Variants in ZNF605 observed in about 807,000 individuals in gnomAD.
ZNF605 encodes the protein zinc finger protein 605.
In ZNF605, 9 loss-of-function variants were observed where a neutral mutation model predicts 7.9. That is an observed-to-expected ratio of 1.14 (90% confidence interval 0.68 to 1.98). ZNF605 has a LOEUF of 1.98. Among genes scored for constraint, ZNF605 ranks in the 30% most tolerant of loss-of-function variants. The pLI is 0.00. For synonymous variants in ZNF605, 255 were observed against 260.1 expected, an observed-to-expected ratio of 0.98 and a Z score of 0.19; for missense variants, 673 against 762.4, an observed-to-expected ratio of 0.88 and a Z score of 1.38.
At chr12:132,940,010 G>T (rs1228958923) in intron 3 of ZNF605, among the ~76,000 whole-genome samples, 3 of 151,786 alleles carry the variant, frequency 2.0e-5, no homozygotes, top group African/African-American at 7.3e-5. Context: ...CATCAGAAGG[G>T]ACAGACTCCA....
chr12:132,952,222 T>C (rs1010915438), intron 1 of ZNF605, among the ~76,000 whole-genome samples: 9 of 152,032 alleles, frequency 5.9e-5, no homozygotes, highest in South Asian at 2.1e-4. Flanking sequence ...TTTGGGAGGC[T>C]GAGGCGGTAG....
At chr12:132,927,639 C>G (rs913079995) in intron 4 of ZNF605, among the ~76,000 whole-genome samples, 31 of 151,154 alleles carry the variant, frequency 2.1e-4, no homozygotes, top group Non-Finnish European at 4.6e-4. Context: ...GCTGGGATTA[C>G]AGGTGTGAGC....
At chr12:132,953,811 A>G (rs1476439203) in intron 1 of ZNF605, among the ~76,000 whole-genome samples, 1 of 151,976 alleles carries the variant, frequency 6.6e-6, no homozygotes, top group African/African-American at 2.4e-5. Context: ...TGACACCCAC[A>G]GGGTCCCCAA....
chr12:132,953,974 C>G (rs1952602966), intron 1 of ZNF605, among the ~76,000 whole-genome samples: 1 of 152,082 alleles, frequency 6.6e-6, no homozygotes, highest in Non-Finnish European at 1.5e-5. Context: ...CTAATACAAA[C>G]AAGCTCCTTC....
chr12:132,951,635 G>C (rs1433403258), intron 1 of ZNF605, among the ~76,000 whole-genome samples: 1 of 115,718 alleles, frequency 8.6e-6, no homozygotes, highest in Non-Finnish European at 1.7e-5. Flanking sequence ...GACACGTACA[G>C]ATACACTGAT....
Position 132,930,247 on chromosome 12 carries a change from G to A in ZNF605, c.136+2788C>T, listed in dbSNP as rs1455219229. Reference sequence around the variant, plus strand: ...TGGGGTCTTGCTATGTTGCCCAGGCGGGCCTGCAACTCCCAGCCTCAAGCA... The same window carrying A: ...TGGGGTCTTGCTATGTTGCCCAGGCAGGCCTGCAACTCCCAGCCTCAAGCA... On this transcript the variant is annotated intron_variant, in intron 4 of 4. Coordinates refer to ENST00000360187, the MANE Select transcript of ZNF605 (RefSeq NM_183238.4). Among the ~76,000 whole-genome samples the A allele has an allele frequency of 6.6e-5, 10 of 152,000 alleles. No homozygotes were observed. In the East Asian group the frequency reaches 9.7e-4, roughly 15 times the overall value.
chr12:132,949,858 GC>G (rs1425650560), intron 1 of ZNF605, among the ~76,000 whole-genome samples: 1 of 152,176 alleles, frequency 6.6e-6, no homozygotes, highest in Non-Finnish European at 1.5e-5. Context: ...CGCAGGCTTC[GC>G]CCGTTCGCAG....
rs1320260096 is a variant in ZNF605, at chr12:132,918,808, G to C, written c.*6565C>G. On this transcript the variant is annotated 3_prime_UTR_variant, in exon 5 of 5. Transcript: ENST00000360187. ...GCCATGTTGGCCAGGCTGCTCTTGA[G>C]CTCCTGAACTCAAGTGATCCACCCA... 6.6e-6 allele frequency: 1 copy of C among 152,314 alleles called. No homozygotes were observed. Among genetic ancestry groups the C allele is most frequent in the Admixed American group, 6.5e-5 (1 of 15,282 alleles). 9.4% of individuals were successfully genotyped at this position (152,314 alleles called of 1,614,324 possible).
intron 3 of ZNF605, among the ~76,000 whole-genome samples, chr12:132,936,789 G>A (rs1325365665): frequency 3.9e-5 from 6 of 152,092 alleles, no homozygotes; most frequent in Non-Finnish European, 8.8e-5. Flanking sequence ...GAAAACCTGT[G>A]TGACTTTGGG....
At chr12:132,937,039 A>G (rs1952373709) in intron 3 of ZNF605, among the ~76,000 whole-genome samples, 1 of 152,184 alleles carries the variant, frequency 6.6e-6, no homozygotes, top group South Asian at 2.1e-4. Flanking sequence ...AATTAACAAG[A>G]TATCTTGACA....
rs1952487615 is a variant in ZNF605, at chr12:132,945,632, T to A, written c.4A>T (p.Ile2Phe). The change falls in exon 3 of 5, where the codon ATC (isoleucine) becomes TTC (phenylalanine). Residue 2 changes from isoleucine to phenylalanine, a missense_variant. By Grantham distance (21) the Ile-to-Phe change is conservative. Transcript: ENST00000360187. MIQSQISFEDVA... is the reference protein window; with the variant it reads MFQSQISFEDVA... ...AACCGATAACCCACCTGTGACTGGA[T>A]CATTTTCCGCTGCTCTTGGGAAATC... is the stretch of plus-strand genomic sequence containing the variant. The A allele has an allele frequency of 1.9e-6, 3 of 1,614,030 alleles. No homozygotes were observed. In the South Asian group the frequency reaches 3.3e-5, roughly 18 times the overall value.
At chr12:132,932,813 T>G (rs895606273) in intron 4 of ZNF605, 1 of 1,533,566 alleles carries the variant, frequency 6.5e-7, no homozygotes, top group African/African-American at 1.4e-5. Context: ...AACCTGTCGA[T>G]TGGAAACACA....
Position 132,956,056 on chromosome 12 carries a change from C to T in ZNF605, c.-286+187G>A, listed in dbSNP as rs1045653341. On this transcript the variant is annotated intron_variant, in intron 1 of 4. Transcript: ENST00000360187. The stretch of plus-strand genomic sequence containing the variant: ...CGCCCCCAGAGCCCCCGCCTGAGGC[C>T]CGCCTTCCGCGCATGCGCCCAGGCC... 4.0e-5 allele frequency among the ~76,000 whole-genome samples: 6 copies of T among 150,434 alleles called. No homozygotes were observed. In the East Asian group the frequency reaches 7.9e-4, roughly 20 times the overall value.
At position 132,926,743 on chromosome 12, in the gene ZNF605, T is replaced by C. The variant is rs1952251654; in HGVS notation, c.556A>G (p.Ile186Val). ...RFFNKKSQLV[I>V]HQRTHTGEKP... ...TCTCCTGTATGAGTTCTCTGGTGTA[T>C]AACAAGTTGTGACTTCTTGTTAAAA... Residue 186 changes from isoleucine to valine, a missense_variant, in exon 5 of 5, where the codon ATA becomes GTA. By Grantham distance (29) the Ile-to-Val change is conservative. Coordinates refer to ENST00000360187, the MANE Select transcript of ZNF605 (RefSeq NM_183238.4). 3 of 1,613,920 alleles carry C rather than the reference T, an allele frequency of 1.9e-6. No individual in the cohort carries two copies. In the South Asian group the frequency reaches 3.3e-5, roughly 18 times the overall value.
intron 3 of ZNF605, among the ~76,000 whole-genome samples, chr12:132,943,372 AC>A (rs1376832166): frequency 1.3e-5 from 2 of 151,482 alleles, no homozygotes; most frequent in Non-Finnish European, 2.9e-5. Context: ...AAAAAAAAAA[AC>A]AAAAAAAACC....
intron 3 of ZNF605, chr12:132,944,751 T>C (rs2137154740): frequency 6.6e-6 from 1 of 152,638 alleles, no homozygotes; most frequent in East Asian, 1.9e-4. Flanking sequence ...AAGGCTGCTA[T>C]TTAGGATCTT....
intron 1 of ZNF605, among the ~76,000 whole-genome samples, chr12:132,949,342 G>A (rs996803060): frequency 2.0e-5 from 3 of 152,174 alleles, no homozygotes; most frequent in Non-Finnish European, 4.4e-5. Context: ...TATGATGGGC[G>A]CACTGCCTCC....
At chr12:132,930,242 C>T (rs1026346083) in intron 4 of ZNF605, among the ~76,000 whole-genome samples, 9 of 152,162 alleles carry the variant, frequency 5.9e-5, no homozygotes, top group Non-Finnish European at 1.2e-4. Context: ...CTATGTTGCC[C>T]AGGCGGGCCT....
intron 3 of ZNF605, among the ~76,000 whole-genome samples, chr12:132,937,350 ACT>A (rs1177720635): frequency 5.0e-5 from 7 of 140,268 alleles, no homozygotes; most frequent in Admixed American, 1.5e-4. Context: ...CAAGAATGAA[ACT>A]CTGTCTCAAA....
Sources: allele counts gnomAD v4.1 joint callset (sites outside exome capture counted in the v4.1 genomes callset), GRCh38; gene constraint gnomAD v4.1.1; transcripts MANE v1.5; gene names NCBI Gene and HGNC (gene_info 2026-07-23, HGNC 2026-07-21).